Variants in CSMD2 observed in about 807,000 individuals in gnomAD.
CSMD2 encodes the protein CUB and Sushi multiple domains 2, also known as CUB and sushi domain-containing protein 2.
CSMD2 carries 130 observed loss-of-function variants against 398.5 expected under a neutral mutation model. The observed-to-expected ratio is 0.33, with a 90% CI of 0.28 to 0.38. The LOEUF is 0.38. Ranked by LOEUF, CSMD2 falls within the 10% of genes least tolerant of loss-of-function variation. The probability of loss-of-function intolerance (pLI) is 1.00; values close to 1 mark genes in which losing one functional copy is unlikely to be tolerated. For synonymous variants in CSMD2, 1,828 were observed against 1,908.5 expected (o/e 0.96, Z 1.10); for missense variants, 3,829 against 4,764.9 (o/e 0.80, Z 5.78).
chr1:33,722,239 C>G (rs1296786938), intron 19 of CSMD2, among the ~76,000 whole-genome samples: 1 of 152,182 alleles, frequency 6.6e-6, no homozygotes, highest in Non-Finnish European at 1.5e-5. Context: ...TTGCTAGATG[C>G]AAAGGCAGGT....
rs1177943780 is a variant in CSMD2, at chr1:34,070,643, T to G, written c.404+18334A>C. On this transcript the variant is annotated intron_variant, in intron 2 of 70. Transcript: ENST00000373381. Reference sequence around the variant, plus strand: ...TTACATGGGTGGAGCTTTGCGGTAGTGGATACAAATCTGCCTCTGTCTGCA... The same window carrying G: ...TTACATGGGTGGAGCTTTGCGGTAGGGGATACAAATCTGCCTCTGTCTGCA... 2.0e-5 allele frequency among the ~76,000 whole-genome samples: 3 copies of G among 152,184 alleles called. No homozygotes were observed. The East Asian group carries it at 5.8e-4, about 29-fold the overall frequency.
chr1:33,851,498 T>C (rs984507487), intron 5 of CSMD2, among the ~76,000 whole-genome samples: 3 of 152,144 alleles, frequency 2.0e-5, no homozygotes, highest in Admixed American at 6.5e-5. Flanking sequence ...TTATCCCCAC[T>C]CCCAAGCCCT....
At chr1:34,135,389 G>A (rs1227221206) in intron 1 of CSMD2, among the ~76,000 whole-genome samples, 1 of 151,912 alleles carries the variant, frequency 6.6e-6, no homozygotes, top group Non-Finnish European at 1.5e-5. Context: ...GGGAGGCCGA[G>A]GCGGGTGGAT....
At chr1:33,959,337 C>T (rs141529601) in intron 3 of CSMD2, among the ~76,000 whole-genome samples, 1 of 152,308 alleles carries the variant, frequency 6.6e-6, no homozygotes, top group East Asian at 1.9e-4. Context: ...AACTGCCCAG[C>T]ACAGTGCCAG....
chr1:33,658,008 T>C lies in CSMD2; in HGVS notation c.4385A>G (p.Glu1462Gly), dbSNP rs1256521098. The part of the protein sequence containing the change: ...DPGYALQGSA[E>G]ISCVKIENRF... ...GTTCTCGATCTTCACACAGCTGATC[T>C]CTGCACTTCCCTGCAGCGCGTAGCC... The change falls in exon 27 of 71, where the codon GAG becomes GGG. Residue 1462 changes from glutamate (E) to glycine (G), a missense_variant. Coordinates refer to ENST00000373381, the MANE Select transcript of CSMD2 (RefSeq NM_001281956.2). The C allele has an allele frequency of 7.4e-6, 12 of 1,614,098 alleles. No individual in the cohort carries two copies. Among genetic ancestry groups the C allele is most frequent in the Non-Finnish European group, 1.0e-5 (12 of 1,180,032 alleles).
Position 33,788,589 on chromosome 1 carries a change from A to T in CSMD2, c.1663+11T>A. On this transcript the variant is annotated intron_variant, in intron 12 of 70. Transcript: ENST00000373381. Reference sequence around the variant, plus strand: ...AGGACACAGTTCATCTGGCTTGCCAAAAGCAGTTACCTTCATAAGAAGCCT... The same window carrying T: ...AGGACACAGTTCATCTGGCTTGCCATAAGCAGTTACCTTCATAAGAAGCCT... The T allele has an allele frequency of 6.6e-7, 1 of 1,519,328 alleles. No individual in the cohort carries two copies. The highest frequency in any genetic ancestry group is 9.1e-7 in the Non-Finnish European group (1 of 1,093,622). 94.1% of individuals were successfully genotyped at this position (1,519,328 alleles called of 1,614,324 possible). A position where few individuals can be genotyped will look rare whatever the true frequency, so the allele number is the denominator to read the frequency against.
intron 2 of CSMD2, among the ~76,000 whole-genome samples, chr1:34,044,231 G>A (rs567204578): frequency 8.5e-4 from 129 of 152,270 alleles, no homozygotes; most frequent in African/African-American, 2.9e-3. Context: ...TTCAAAGCAT[G>A]TTTCTAGAAT....
chr1:33,601,058 G>T, intron 43 of CSMD2, 48 bp from the exon 44 acceptor site: 2 of 1,609,634 alleles, frequency 1.2e-6, no homozygotes, highest in Non-Finnish European at 1.7e-6. Flanking sequence ...CACCATGGCT[G>T]CCTGCTCCAC....
At chr1:34,101,364 A>C (rs1659925557) in intron 1 of CSMD2, among the ~76,000 whole-genome samples, 1 of 152,200 alleles carries the variant, frequency 6.6e-6, no homozygotes, top group African/African-American at 2.4e-5. Flanking sequence ...GTTTTGGATG[A>C]TTTGGATGAT....
In CSMD2 at chr1:33,571,865, G is replaced by A. The variant is rs147108074; in HGVS notation, c.7763-139C>T. On this transcript the variant is annotated intron_variant, in intron 50 of 70. Coordinates refer to ENST00000373381, the MANE Select transcript of CSMD2 (RefSeq NM_001281956.2). ...GAATCTTCAGTTCTCAGGCAGGTTTGGTAAATGAACAGGTGGGTTGGGTGG... is the reference window on the plus strand; with the variant it reads ...GAATCTTCAGTTCTCAGGCAGGTTTAGTAAATGAACAGGTGGGTTGGGTGG... 1,064 of 596,076 alleles carry A rather than the reference G, an allele frequency of 1.8e-3. 10 individuals are homozygous for A. In the African/African-American group the frequency reaches 0.018, roughly 10 times the overall value. The allele number at this position is 596,076 out of a possible 1,614,324, so 36.9% of individuals were successfully genotyped here. A position where few individuals can be genotyped will look rare whatever the true frequency, so the allele number is the denominator to read the frequency against.
At chr1:33,570,173 T>C (rs1041666444) in intron 51 of CSMD2, among the ~76,000 whole-genome samples, 1 of 150,094 alleles carries the variant, frequency 6.7e-6, no homozygotes, top group Non-Finnish European at 1.5e-5. Context: ...TGGCTTTTTT[T>C]TTTTTTTTTT....
chr1:33,562,805 C>T (rs538537775), intron 53 of CSMD2, among the ~76,000 whole-genome samples: 1 of 152,310 alleles, frequency 6.6e-6, no homozygotes, highest in South Asian at 2.1e-4. Context: ...AGGCAGCCTG[C>T]TATCCCTGGA....
At chr1:34,009,111 T>C (rs1303124388) in intron 3 of CSMD2, among the ~76,000 whole-genome samples, 1 of 152,046 alleles carries the variant, frequency 6.6e-6, no homozygotes, top group Non-Finnish European at 1.5e-5. Flanking sequence ...TCTTCCTCCT[T>C]CTCAGGACCC....
At chr1:33,545,977 G>A (rs1002519130) in intron 57 of CSMD2, 60 bp downstream of exon 57, 1 of 1,522,754 alleles carries the variant, frequency 6.6e-7, no homozygotes, top group African/African-American at 1.4e-5. Flanking sequence ...ATAAGAGCAG[G>A]AGCAGGGGCG....
intron 1 of CSMD2, among the ~76,000 whole-genome samples, chr1:34,155,233 G>A (rs1285187291): frequency 6.6e-6 from 1 of 152,208 alleles, no homozygotes; most frequent in Admixed American, 6.5e-5. Flanking sequence ...TTGGTGGGGT[G>A]CAGAAAACAG....
chr1:33,920,228 G>A (rs143153459), intron 4 of CSMD2, among the ~76,000 whole-genome samples: 225 of 152,188 alleles, frequency 1.5e-3, no homozygotes, highest in African/African-American at 4.8e-3. Flanking sequence ...CACCGTTGAA[G>A]AGCATCAAGA....
At chr1:33,573,522 A>C (rs1251971526) in intron 49 of CSMD2, among the ~76,000 whole-genome samples, 1 of 150,506 alleles carries the variant, frequency 6.6e-6, no homozygotes, top group Non-Finnish European at 1.5e-5. Context: ...AAAAAAACAA[A>C]CAAAAAAAAA....
At chr1:34,072,391 C>T (rs1655825151) in intron 2 of CSMD2, among the ~76,000 whole-genome samples, 2 of 152,052 alleles carry the variant, frequency 1.3e-5, no homozygotes, top group African/African-American at 2.4e-5. Flanking sequence ...ATTCTGTGGC[C>T]CCAGAAGTTC....
intron 3 of CSMD2, among the ~76,000 whole-genome samples, chr1:33,965,303 C>T (rs932966336): frequency 2.0e-5 from 3 of 152,196 alleles, no homozygotes; most frequent in Non-Finnish European, 4.4e-5. Context: ...TTTGCAGGGC[C>T]TCATCATTCT....
Sources: allele counts gnomAD v4.1 joint callset (sites outside exome capture counted in the v4.1 genomes callset), GRCh38; gene constraint gnomAD v4.1.1; transcripts MANE v1.5; gene names NCBI Gene and HGNC (gene_info 2026-07-23, HGNC 2026-07-21).